Variants in TLR1 observed in about 807,000 individuals in gnomAD.
TLR1 encodes the protein toll like receptor 1, also known as toll-like receptor 1.
TLR1 carries 19 observed loss-of-function variants against 20.2 expected under a neutral mutation model. That is an observed-to-expected ratio of 0.94 (90% confidence interval 0.66 to 1.38). The LOEUF (loss-of-function observed/expected upper bound fraction) is 1.38. TLR1 is among the 40% of genes most tolerant of loss of function. TLR1 has a pLI of 0.00. For synonymous variants in TLR1, 320 were observed against 334.5 expected (o/e 0.96, Z 0.47); for missense variants, 921 against 910.0 (o/e 1.01, Z -0.16).
chr4:38,798,074 T>C lies in TLR1; in HGVS notation c.758A>G (p.Asn253Ser). Reference protein sequence around the residue: ...NPKLSNLTLNNIETTWNSFIR... With the variant: ...NPKLSNLTLNSIETTWNSFIR... ...GAAAGAATTCCAAGTTGTTTCAATGTTGTTTAAGGTAAGATTTGATAACTT... is the reference window on the plus strand; with the variant it reads ...GAAAGAATTCCAAGTTGTTTCAATGCTGTTTAAGGTAAGATTTGATAACTT... The change falls in exon 4 of 4, where the codon AAC becomes AGC. Residue 253 changes from asparagine (N) to serine (S), a missense_variant. By Grantham distance (46) the Asn-to-Ser change is conservative. Transcript: ENST00000308979. 2 of 1,613,636 alleles carry C rather than the reference T, an allele frequency of 1.2e-6. No individual in the cohort carries two copies. The highest frequency in any genetic ancestry group is 1.7e-6 in the Non-Finnish European group (2 of 1,179,578).
intron 2 of TLR1, among the ~76,000 whole-genome samples, chr4:38,802,282 T>G (rs1372957000): frequency 1.4e-5 from 2 of 147,322 alleles, no homozygotes; most frequent in Non-Finnish European, 3.1e-5. Context: ...AGTCTCCTAA[T>G]AGATAGAAAA....
rs1726184265 is a variant in TLR1 at position 38,797,408 on chromosome 4, A to G, written c.1424T>C (p.Val475Ala). Residue 475 changes from valine (V) to alanine (A), a missense_variant, in exon 4 of 4, where the codon GTT becomes GCT. By Grantham distance (64) the Val-to-Ala change is moderately conservative (BLOSUM62 0). Coordinates refer to ENST00000308979, the MANE Select transcript of TLR1 (RefSeq NM_003263.4). ...VKLEALQELN[V>A]AFNSLTDLPG... ...AAGGTCAGTTAAAGAATTGAAAGCA[A>G]CATTGAGTTCTTGCAAAGCTTCCAG... The G allele has an allele frequency of 6.2e-7, 1 of 1,614,224 alleles. No homozygotes were observed. The highest frequency in any genetic ancestry group is 1.3e-5 in the African/African-American group (1 of 75,066).
chr4:38,802,785 G>A (rs775656161), intron 2 of TLR1, among the ~76,000 whole-genome samples: 12 of 152,312 alleles, frequency 7.9e-5, no homozygotes, highest in Middle Eastern at 3.4e-3. Context: ...AGTTTAGAGC[G>A]CAGGCGTATA....
downstream of TLR1, among the ~76,000 whole-genome samples, chr4:38,796,075 G>A (rs1726026783): frequency 6.6e-6 from 1 of 152,154 alleles, no homozygotes; most frequent in Admixed American, 6.5e-5. Flanking sequence ...TGGATATGAG[G>A]AAAGCATCAA....
chr4:38,802,742 T>C (rs1449508217), intron 2 of TLR1, among the ~76,000 whole-genome samples: 3 of 152,212 alleles, frequency 2.0e-5, no homozygotes, highest in Non-Finnish European at 4.4e-5. Flanking sequence ...TGGTCAAGGA[T>C]AGGCCAAGGT....
chr4:38,801,224 C>T lies in TLR1; in HGVS notation c.-159-276G>A, dbSNP rs74478970. ...AAGTAATTAGGTCATAAGAATAGAGCCTTTATGAGTCAGATTAGTACCTTT... is the reference window on the plus strand; with the variant it reads ...AAGTAATTAGGTCATAAGAATAGAGTCTTTATGAGTCAGATTAGTACCTTT... On this transcript the variant is annotated intron_variant, in intron 2 of 3. Transcript: ENST00000308979. Among the ~76,000 whole-genome samples the T allele has an allele frequency of 9.7e-3, 1,479 of 152,256 alleles. 33 individuals carry two copies. The highest frequency in any genetic ancestry group is 0.034 in the African/African-American group (1,406 of 41,536).
rs188385206 is a variant in TLR1 at position 38,801,196 on chromosome 4, G to T, written c.-159-248C>A. ...GTGATGGTATTAGCAGGAGAAAATT[G>T]TGAAGTAATTAGGTCATAAGAATAG... On this transcript the variant is annotated intron_variant, in intron 2 of 3. Coordinates refer to ENST00000308979, the MANE Select transcript of TLR1 (RefSeq NM_003263.4). Among the ~76,000 whole-genome samples, 173 of 152,296 alleles carry T rather than the reference G, an allele frequency of 1.1e-3. 1 individual carries two copies. Among genetic ancestry groups the T allele is most frequent in the Admixed American group, 0.011 (172 of 15,296 alleles).
rs568135901 is a variant in TLR1 at position 38,797,156 on chromosome 4, G to A, written c.1676C>T (p.Pro559Leu). Residue 559 changes from proline to leucine, a missense_variant, in exon 4 of 4, where the codon CCG becomes CTG. Coordinates refer to ENST00000308979, the MANE Select transcript of TLR1 (RefSeq NM_003263.4). ...TAGTAGGGTTCCTCTATAACTTTCC[G>A]GGTAGTCACACTTATAAGAATCAGG... ...GWPDSYKCDY[P>L]ESYRGTLLKD... The A allele has an allele frequency of 3.9e-5, 63 of 1,614,100 alleles. 1 individual carries two copies. The highest frequency in any genetic ancestry group is 2.2e-4 in the Admixed American group (13 of 60,010).
chr4:38,799,602 C>T (rs1032805245), intron 3 of TLR1, among the ~76,000 whole-genome samples: 5 of 152,198 alleles, frequency 3.3e-5, no homozygotes, highest in African/African-American at 9.7e-5. Flanking sequence ...TGGCCCCAAG[C>T]TTCCCAAAAT....
At chr4:38,787,771 T>C (rs542393904), downstream of TLR1, among the ~76,000 whole-genome samples, 1 of 152,338 alleles carries the variant, frequency 6.6e-6, no homozygotes, top group Admixed American at 6.5e-5. Context: ...CATAGCCACA[T>C]ACGGCTAGTG....
At position 38,797,762 on chromosome 4, in the gene TLR1, T is replaced by C. The variant is rs1222255510; in HGVS notation, c.1070A>G (p.Asn357Ser). The C allele has an allele frequency of 1.2e-6, 2 of 1,613,994 alleles. No individual in the cohort carries two copies. The change falls in exon 4 of 4, where the codon AAT becomes AGT. Residue 357 changes from asparagine to serine, a missense_variant. Transcript: ENST00000308979. ...ISPFLHLDFS[N>S]NLLTDTVFEN... ...AAAAACCGTGTCTGTTAAGAGATTA[T>C]TGGAAAAATCCAAATGCAGGAACGG...
chr4:38,796,405 G>T lies in TLR1; in HGVS notation c.*66C>A, dbSNP rs986725974. ...TACATCTATGCTGATGCAAAATAAA[G>T]TCATTGTTGGAACTTCCAAAAGCAG... On this transcript the variant is annotated 3_prime_UTR_variant, in exon 4 of 4. Coordinates refer to ENST00000308979, the MANE Select transcript of TLR1 (RefSeq NM_003263.4). 3.9e-6 allele frequency: 6 copies of T among 1,539,114 alleles called. No homozygotes were observed. The highest frequency in any genetic ancestry group is 1.4e-5 in the African/African-American group (1 of 72,848).
intron 2 of TLR1, among the ~76,000 whole-genome samples, chr4:38,803,240 C>T (rs1721353830): frequency 6.6e-6 from 1 of 152,178 alleles, no homozygotes; most frequent in Non-Finnish European, 1.5e-5. Flanking sequence ...GCTATCTGCT[C>T]ATCCACCCCC....
At chr4:38,792,104 G>A (rs1162083845), downstream of TLR1, among the ~76,000 whole-genome samples, 1 of 152,172 alleles carries the variant, frequency 6.6e-6, no homozygotes, top group East Asian at 1.9e-4. Flanking sequence ...GAAAAAGGAG[G>A]CTAGGAAGGG....
In TLR1 at chr4:38,797,382, G is replaced by A. The variant is rs774212886; in HGVS notation, c.1450C>T (p.Pro484Ser). The A allele has an allele frequency of 3.7e-6, 6 of 1,614,012 alleles. No homozygotes were observed. The highest frequency in any genetic ancestry group is 4.2e-6 in the Non-Finnish European group (5 of 1,179,982). Reference protein sequence around the residue: ...NVAFNSLTDLPGCGSFSSLSV... With the variant: ...NVAFNSLTDLSGCGSFSSLSV... The stretch of plus-strand genomic sequence containing the variant: ...AGGCTGCTAAAGCTGCCACATCCAG[G>A]AAGGTCAGTTAAAGAATTGAAAGCA... The change falls in exon 4 of 4, where the codon CCT becomes TCT. Residue 484 changes from proline to serine, a missense_variant. Physicochemically the swap from Pro to Ser is moderately conservative, Grantham distance 74 (BLOSUM62 -1). Coordinates refer to ENST00000308979, the MANE Select transcript of TLR1 (RefSeq NM_003263.4).
downstream of TLR1, among the ~76,000 whole-genome samples, chr4:38,794,044 C>A (rs1183721382): frequency 2.6e-5 from 4 of 152,148 alleles, no homozygotes; most frequent in African/African-American, 7.2e-5. Flanking sequence ...AGCAGCCAAC[C>A]CTGCCAACAC....
At chr4:38,795,430 C>T (rs1458442112), downstream of TLR1, among the ~76,000 whole-genome samples, 1 of 152,206 alleles carries the variant, frequency 6.6e-6, no homozygotes, top group African/African-American at 2.4e-5. Flanking sequence ...GCCCCATCTG[C>T]TCATGCTCTA....
chr4:38,792,852 A>AC (rs1725793270), downstream of TLR1, among the ~76,000 whole-genome samples: 2 of 94,146 alleles, frequency 2.1e-5, no homozygotes, highest in Admixed American at 9.9e-5. Flanking sequence ...GTATTTTCAA[A>AC]TTATATATAT....
At chr4:38,793,936 C>T (rs1023710402), downstream of TLR1, among the ~76,000 whole-genome samples, 4 of 151,014 alleles carry the variant, frequency 2.6e-5, no homozygotes, top group Admixed American at 6.6e-5. Context: ...AGAGGGAAGA[C>T]GATGTGAAGA....
Sources: allele counts gnomAD v4.1 joint callset (sites outside exome capture counted in the v4.1 genomes callset), GRCh38; gene constraint gnomAD v4.1.1; transcripts MANE v1.5; gene names NCBI Gene and HGNC (gene_info 2026-07-23, HGNC 2026-07-21).